The following MCF2 variants were observed in gnomAD, a reference collection of about 807,000 sequenced individuals.
MCF2 encodes the protein MCF.2 cell line derived transforming sequence.
Under a neutral mutation model 82.5 loss-of-function variants are expected in MCF2, and 44 were observed. That is an observed-to-expected ratio of 0.53 (90% CI 0.42 to 0.69). MCF2 has a LOEUF of 0.69. MCF2 is among the 30% of genes least tolerant of loss of function. The pLI is 0.00. For missense variants in MCF2, 623 were observed against 663.1 expected (o/e 0.94, Z 0.66); for synonymous variants, 217 against 224.9 (o/e 0.96, Z 0.32).
exon 1 of MCF2, chrX:139,642,753 A>T (rs935549435): frequency 2.9e-6 from 3 of 1,050,110 alleles, no homozygotes; most frequent in Non-Finnish European, 3.7e-6. Context: ...CTTGTAATTC[A>T]GAGTTAACAC....
At chrX:139,609,273 A>G (rs1158972847) in intron 11 of MCF2, among the ~76,000 whole-genome samples, 1 of 112,813 alleles carries the variant, frequency 8.9e-6, no homozygotes, top group African/African-American at 3.2e-5. Flanking sequence ...GACTGGGAGC[A>G]GTGGCTCATG....
chrX:139,692,485 C>A (rs1284190222), intron 1 of MCF2, among the ~76,000 whole-genome samples: 2 of 111,848 alleles, frequency 1.8e-5, no homozygotes, highest in Non-Finnish European at 3.8e-5. Context: ...CCCACGCCCC[C>A]GCTTAGCCAC....
At position 139,659,976 on chromosome X, in the gene MCF2, T is replaced by C. The variant is rs757435354; in HGVS notation, c.-44-8188A>G. Among the ~76,000 whole-genome samples the C allele has an allele frequency of 6.2e-5, 7 of 112,090 alleles. No homozygotes were observed. The South Asian group carries it at 2.6e-3, about 42-fold the overall frequency. On this transcript the variant is annotated intron_variant, in intron 1 of 27. Coordinates refer to the MCF2 transcript ENST00000414978. ...TCCAGGGTTGATATTAAAACACTTA[T>C]CTTGCAGATAAGTTAACAGCCTCAG...
intron 3 of MCF2, 72 bp downstream of exon 6, chrX:139,631,323 G>T (rs1932918791): frequency 1.4e-5 from 8 of 588,774 alleles, no homozygotes; most frequent in Non-Finnish European, 2.1e-5. Flanking sequence ...AAATAGGAAA[G>T]AATTCTAGAA....
rs184671205 is a variant in MCF2 at position 139,639,128 on chromosome X, T to C, written c.51+3340A>G. Reference sequence around the variant, plus strand: ...TATATTTCTAAATTCTTGGGTATGCTGCTTTAAGAACCTCTAATCTGTATG... The same window carrying C: ...TATATTTCTAAATTCTTGGGTATGCCGCTTTAAGAACCTCTAATCTGTATG... On this transcript the variant is annotated intron_variant, in intron 1 of 24. Transcript: ENST00000370576. Among the ~76,000 whole-genome samples the C allele has an allele frequency of 4.7e-3, 527 of 111,103 alleles. 2 individuals carry two copies. Among genetic ancestry groups the C allele is most frequent in the African/African-American group, 0.017 (507 of 30,573 alleles).
intron 1 of MCF2, among the ~76,000 whole-genome samples, chrX:139,664,410 A>G (rs954215851): frequency 1.8e-5 from 2 of 111,865 alleles, no homozygotes; most frequent in Non-Finnish European, 1.9e-5. Context: ...ATTTACATGG[A>G]ATATATTTTG....
At chrX:139,663,758 T>C (rs1934425124) in intron 1 of MCF2, among the ~76,000 whole-genome samples, 1 of 109,990 alleles carries the variant, frequency 9.1e-6, no homozygotes, top group Admixed American at 9.8e-5. Flanking sequence ...ATGCTGAGAG[T>C]GGGGTGTTGA....
intron 12 of MCF2, 176 bp downstream of exon 16, chrX:139,607,515 T>G: frequency 3.5e-6 from 1 of 285,443 alleles, no homozygotes; most frequent in Non-Finnish European, 6.4e-6. Flanking sequence ...TTTAGTTAAT[T>G]TTCTTCAAAT....
Position 139,589,930 on chromosome X carries a change from A to G in MCF2, c.2278-3T>C. On this transcript the variant is annotated splice_region_variant and splice_polypyrimidine_tract_variant and intron_variant, in intron 19 of 24. Transcript: ENST00000370576. ...TCAGTGATTCCAACTTCATCCATCT[A>G]TAATAAATAAGTCAAAATTTTCATG... is the stretch of plus-strand genomic sequence containing the variant. The G allele has an allele frequency of 9.1e-7, 1 of 1,101,511 alleles. No individual in the cohort carries two copies. The highest frequency in any genetic ancestry group is 1.2e-6 in the Non-Finnish European group (1 of 815,155). 90.8% of individuals were successfully genotyped at this position (1,101,511 alleles called of 1,213,427 possible).
chrX:139,700,570 G>A (rs866092163), intron 1 of MCF2, among the ~76,000 whole-genome samples: 4 of 111,932 alleles, frequency 3.6e-5, no homozygotes, highest in African/African-American at 9.7e-5. Flanking sequence ...GACCTTGGGG[G>A]TCCACTGAAA....
chrX:139,654,784 T>C (rs1413827622), intron 1 of MCF2, among the ~76,000 whole-genome samples: 1 of 111,947 alleles, frequency 8.9e-6, no homozygotes, highest in Non-Finnish European at 1.9e-5. Flanking sequence ...AGGTCTTCAA[T>C]TTAAGTTCTT....
chrX:139,675,424 CCATCTTTGTGGTTTTATCTACCTTTAGT>C (rs1294486071), intron 1 of MCF2, among the ~76,000 whole-genome samples: 1 of 112,592 alleles, frequency 8.9e-6, no homozygotes, highest in Non-Finnish European at 1.9e-5. Context: ...TGGTTTCTCC[CCATCTTTGTGGTTTTATCTACCTTTAGT>C]CTTTAATGTT....
In MCF2 at chrX:139,587,568, C is replaced by T. The variant is rs1167678335; in HGVS notation, c.2522+148G>A. ...ATCAGCCTCCAGTATAAGGCTGGAC[C>T]TCAGAAAATGATGTTTATGGAATTT... On this transcript the variant is annotated intron_variant, in intron 22 of 24. Transcript: ENST00000370576. 3 of 441,803 alleles carry T rather than the reference C, an allele frequency of 6.8e-6. No homozygotes were observed. The Admixed American group carries it at 1.1e-4, about 17-fold the overall frequency. 36.4% of individuals were successfully genotyped at this position (441,803 alleles called of 1,213,427 possible). A position where few individuals can be genotyped will look rare whatever the true frequency, so the allele number is the denominator to read the frequency against.
rs374310235 is a variant in MCF2, at chrX:139,606,301, C to A, written c.1491-522G>T. On this transcript the variant is annotated intron_variant, in intron 12 of 24. Coordinates refer to ENST00000370576, the Ensembl canonical transcript of MCF2. ...TGTTCTGAAATTTTCTAAAGGAGGC[C>A]GCAGATTTTTTTACCCTGGTCTCCT... Among the ~76,000 whole-genome samples, 10 of 109,423 alleles carry A rather than the reference C, an allele frequency of 9.1e-5. No individual in the cohort carries two copies. In the South Asian group the frequency reaches 2.0e-3, roughly 21 times the overall value.
intron 6 of MCF2, among the ~76,000 whole-genome samples, chrX:139,624,531 CA>C (rs763780629): frequency 0.045 from 2,130 of 47,839 alleles, 60 homozygotes; most frequent in African/African-American, 0.14. Context: ...AGAACTGTCT[CA>C]AAAAAAAAAA....
intron 12 of MCF2, among the ~76,000 whole-genome samples, chrX:139,606,579 GA>G (rs1015455150): frequency 7.2e-5 from 8 of 111,146 alleles, no homozygotes; most frequent in African/African-American, 2.6e-4. Flanking sequence ...GGCTGGTCTC[GA>G]ACTCCTGACC....
intron 10 of MCF2, among the ~76,000 whole-genome samples, chrX:139,611,578 T>C (rs1353867896): frequency 8.9e-6 from 1 of 112,175 alleles, no homozygotes; most frequent in Non-Finnish European, 1.9e-5. Flanking sequence ...GCAAGGTAGA[T>C]GTATTCATTT....
At chrX:139,615,142 A>C (rs1485892039) in intron 9 of MCF2, 90 bp from the exon 13 acceptor site, 1 of 651,080 alleles carries the variant, frequency 1.5e-6, no homozygotes, top group Non-Finnish European at 2.4e-6. Context: ...ATGGTCAAAA[A>C]AATAATTTAG....
chrX:139,599,669 G>A (rs926396249), intron 16 of MCF2, among the ~76,000 whole-genome samples: 1 of 111,642 alleles, frequency 9.0e-6, no homozygotes, highest in African/African-American at 3.2e-5. Flanking sequence ...ACAAGTGTTG[G>A]TGAGGATATG....
Sources: allele counts gnomAD v4.1 joint callset (sites outside exome capture counted in the v4.1 genomes callset), GRCh38; gene constraint gnomAD v4.1.1; transcripts MANE v1.5; gene names NCBI Gene and HGNC (gene_info 2026-07-23, HGNC 2026-07-21).